The following PSMA6 variants were observed in gnomAD, a reference collection of about 807,000 sequenced individuals.
PSMA6 encodes proteasome 20S subunit alpha 6, also known as proteasome subunit alpha type-6.
For missense variants in PSMA6, 170 were observed against 294.8 expected (o/e 0.58, Z 3.10); for synonymous variants, 88 against 97.7 (o/e 0.90, Z 0.59).
At chr14:35,310,972 A>C (rs1053275213) in intron 4 of PSMA6, 77 bp downstream of exon 4, 2 of 1,406,824 alleles carry the variant, frequency 1.4e-6, no homozygotes, top group East Asian at 4.6e-5. Flanking sequence ...AATTATTTAA[A>C]TAACACTTGA....
chr14:35,292,371 G>C (rs935387414), upstream of PSMA6: 3 of 1,533,328 alleles, frequency 2.0e-6, no homozygotes, highest in Admixed American at 6.1e-5. Flanking sequence ...AAGAAACGCG[G>C]CTGGTACCCC....
intron 1 of PSMA6, among the ~76,000 whole-genome samples, chr14:35,304,726 C>CAA (rs34824477): frequency 1.0e-3 from 125 of 124,112 alleles, no homozygotes; most frequent in Middle Eastern, 4.9e-3. Context: ...AACTCCATCT[C>CAA]AAAAAAAAAA....
chr14:35,289,846 G>A (rs1250824222), upstream of PSMA6, among the ~76,000 whole-genome samples: 1 of 145,484 alleles, frequency 6.9e-6, no homozygotes, highest in Non-Finnish European at 1.5e-5. Flanking sequence ...TCACTTGAGC[G>A]CAGGAGTTCA....
chr14:35,284,817 A>C (rs2051403519), intron 1 of PSMA6, among the ~76,000 whole-genome samples: 2 of 152,202 alleles, frequency 1.3e-5, no homozygotes, highest in Admixed American at 1.3e-4. Context: ...AGTGAATTAA[A>C]GGTTTATTCA....
chr14:35,296,801 C>T (rs1431258965), intron 1 of PSMA6, among the ~76,000 whole-genome samples: 1 of 152,172 alleles, frequency 6.6e-6, no homozygotes, highest in Non-Finnish European at 1.5e-5. Context: ...CTCATGCCCT[C>T]TTTGAATCTG....
At chr14:35,308,689 C>A (rs2051880255) in intron 2 of PSMA6, 1 of 431,392 alleles carries the variant, frequency 2.3e-6, no homozygotes, top group Non-Finnish European at 4.1e-6. Flanking sequence ...ATTGCTTGTC[C>A]ACAGGAAAAG....
At chr14:35,292,585 G>C (rs988127599) in intron 1 of PSMA6, 33 bp downstream of exon 1, 1 of 1,609,318 alleles carries the variant, frequency 6.2e-7, no homozygotes, top group Non-Finnish European at 8.5e-7. Context: ...TGGGCCACCT[G>C]AATTGCCCTG....
chr14:35,285,954 A>G (rs1376755288), intron 1 of PSMA6, among the ~76,000 whole-genome samples: 2 of 152,196 alleles, frequency 1.3e-5, no homozygotes, highest in African/African-American at 2.4e-5. Context: ...CCCATGCAGT[A>G]CCTATTTGGT....
At chr14:35,283,299 G>A (rs2051386620) in intron 1 of PSMA6, among the ~76,000 whole-genome samples, 1 of 151,038 alleles carries the variant, frequency 6.6e-6, no homozygotes, top group South Asian at 2.1e-4. Context: ...GGCTGAGGTG[G>A]GAGAATCTTT....
intron 4 of PSMA6, 74 bp downstream of exon 4, chr14:35,310,969 T>A: frequency 7.1e-7 from 1 of 1,417,696 alleles, no homozygotes; most frequent in Non-Finnish European, 9.7e-7. Flanking sequence ...CAGAATTATT[T>A]AAATAACACT....
At chr14:35,291,175 G>A (rs1162919973), upstream of PSMA6, among the ~76,000 whole-genome samples, 1 of 148,270 alleles carries the variant, frequency 6.7e-6, no homozygotes, top group Non-Finnish European at 1.5e-5. Flanking sequence ...TTTTTGTAGA[G>A]ACGGGGCCTT....
chr14:35,314,081 G>A (rs536474291), intron 5 of PSMA6: 2 of 183,616 alleles, frequency 1.1e-5, no homozygotes, highest in African/African-American at 4.7e-5. Flanking sequence ...CACCCCAAGT[G>A]CTAAGTGAAG....
chr14:35,310,404 T>C (rs1044125192), intron 3 of PSMA6: 3 of 349,868 alleles, frequency 8.6e-6, no homozygotes, highest in African/African-American at 2.2e-5. Flanking sequence ...GATCCGCCTC[T>C]CTTGGCCTCC....
intron 1 of PSMA6, among the ~76,000 whole-genome samples, chr14:35,285,793 C>G (rs569428533): frequency 5.1e-4 from 78 of 152,268 alleles, no homozygotes; most frequent in South Asian, 1.4e-3. Flanking sequence ...AGGGAGGTAC[C>G]ATGAAATAAT....
At chr14:35,288,897 A>AGG (rs1412657212), upstream of PSMA6, among the ~76,000 whole-genome samples, 4 of 152,254 alleles carry the variant, frequency 2.6e-5, no homozygotes, top group Non-Finnish European at 5.9e-5. Flanking sequence ...CATGTGGCCC[A>AGG]GGATGGCTTT....
intron 1 of PSMA6, among the ~76,000 whole-genome samples, chr14:35,303,179 G>T (rs1052042374): frequency 6.6e-6 from 1 of 152,120 alleles, no homozygotes; most frequent in African/African-American, 2.4e-5. Context: ...GTATTGACTT[G>T]TTTTGTTCTA....
chr14:35,294,846 C>T (rs942790751), intron 1 of PSMA6, among the ~76,000 whole-genome samples: 5 of 151,858 alleles, frequency 3.3e-5, no homozygotes, highest in African/African-American at 9.7e-5. Flanking sequence ...CTTTAGAATC[C>T]TCCAAAGACA....
chr14:35,303,065 G>T (rs2051747279), intron 1 of PSMA6, among the ~76,000 whole-genome samples: 1 of 152,060 alleles, frequency 6.6e-6, no homozygotes, highest in South Asian at 2.1e-4. Context: ...TTTTTAGTTT[G>T]ACTTGATTTG....
chr14:35,296,633 A>G (rs1043633317), intron 1 of PSMA6, among the ~76,000 whole-genome samples: 3 of 152,086 alleles, frequency 2.0e-5, no homozygotes, highest in Admixed American at 6.6e-5. Flanking sequence ...CCCGCCTTCA[A>G]TTAGTATTTT....
Sources: allele counts gnomAD v4.1 joint callset (sites outside exome capture counted in the v4.1 genomes callset), GRCh38; gene constraint gnomAD v4.1.1; transcripts MANE v1.5; gene names NCBI Gene and HGNC (gene_info 2026-07-23, HGNC 2026-07-21).